The following DNAJC13 variants were observed in gnomAD, a reference collection of about 807,000 sequenced individuals.
The protein encoded by DNAJC13 is dnaJ homolog subfamily C member 13.
DNAJC13 carries 75 observed loss-of-function variants against 290.5 expected under a neutral mutation model. The ratio of observed to expected loss-of-function variants is 0.26; its 90% CI spans 0.21 to 0.31. The LOEUF is 0.31. Among genes scored for constraint, DNAJC13 ranks in the 10% least tolerant of loss-of-function variants. The pLI, the probability that DNAJC13 is intolerant of heterozygous loss-of-function variation, is 1.00. For missense variants in DNAJC13, 2,260 were observed against 2,674.5 expected (o/e 0.85, Z 3.42); for synonymous variants, 862 against 892.0 (o/e 0.97, Z 0.60).
chr3:132,444,106 T>C (rs1327237962), intron 2 of DNAJC13, among the ~76,000 whole-genome samples: 3 of 152,096 alleles, frequency 2.0e-5, no homozygotes. Flanking sequence ...GAGCCAGCAT[T>C]ACCGCCTGAG....
intron 55 of DNAJC13, among the ~76,000 whole-genome samples, chr3:132,531,454 T>C (rs1369245287): frequency 6.6e-6 from 1 of 152,230 alleles, no homozygotes; most frequent in Non-Finnish European, 1.5e-5. Context: ...CATCATTCCA[T>C]ATCTGTCAGA....
intron 25 of DNAJC13, among the ~76,000 whole-genome samples, chr3:132,479,648 GTCTT>G (rs1219125902): frequency 2.6e-5 from 4 of 152,086 alleles, no homozygotes; most frequent in African/African-American, 7.2e-5. Context: ...AAAATGGAAA[GTCTT>G]TATCAGTGTA....
At chr3:132,503,799 A>G (rs1057171462) in intron 41 of DNAJC13, among the ~76,000 whole-genome samples, 2 of 152,224 alleles carry the variant, frequency 1.3e-5, no homozygotes, top group African/African-American at 4.8e-5. Context: ...GCACATATAC[A>G]TGTATATGTA....
At chr3:132,448,691 T>G (rs974736439) in intron 5 of DNAJC13, among the ~76,000 whole-genome samples, 2 of 152,172 alleles carry the variant, frequency 1.3e-5, no homozygotes, top group Admixed American at 1.3e-4. Flanking sequence ...GGCAGCACCA[T>G]TCTCCTGTCT....
At chr3:132,478,660 G>A (rs1934552436) in intron 24 of DNAJC13, among the ~76,000 whole-genome samples, 1 of 152,206 alleles carries the variant, frequency 6.6e-6, no homozygotes, top group African/African-American at 2.4e-5. Flanking sequence ...GGTTCACCTG[G>A]AAGTGGGAGG....
chr3:132,483,138 A>G (rs1017602205), intron 27 of DNAJC13, among the ~76,000 whole-genome samples: 1 of 151,354 alleles, frequency 6.6e-6, no homozygotes, highest in East Asian at 1.9e-4. Flanking sequence ...TGTCATTTTT[A>G]CTCTTTCCAG....
intron 42 of DNAJC13, 91 bp downstream of exon 42, chr3:132,505,506 C>A (rs1043440003): frequency 1.8e-5 from 15 of 827,558 alleles, no homozygotes; most frequent in Middle Eastern, 2.3e-4. Context: ...AAATCCACTA[C>A]TTCTCACTTT....
At chr3:132,442,104 AATC>A (rs1428884975) in intron 2 of DNAJC13, among the ~76,000 whole-genome samples, 1 of 151,740 alleles carries the variant, frequency 6.6e-6, no homozygotes, top group Non-Finnish European at 1.5e-5. Flanking sequence ...TGTAAAAAAA[AATC>A]ATGCTATAAA....
chr3:132,489,702 A>G (rs933596631), intron 31 of DNAJC13, among the ~76,000 whole-genome samples: 1 of 152,100 alleles, frequency 6.6e-6, no homozygotes. Flanking sequence ...ATGTTGCACC[A>G]CCTTGACAAT....
chr3:132,447,946 A>C lies in DNAJC13; in HGVS notation c.336+7A>C. 2.7e-6 allele frequency: 4 copies of C among 1,501,984 alleles called. No homozygotes were observed. Among genetic ancestry groups the C allele is most frequent in the Non-Finnish European group, 3.7e-6 (4 of 1,083,202 alleles). 93.0% of individuals were successfully genotyped at this position (1,501,984 alleles called of 1,614,324 possible). On this transcript the variant is annotated splice_region_variant and intron_variant, in intron 5 of 55. Transcript: ENST00000260818. ...GGGAAAAATCACAGGAAGGGTAAAT[A>C]TTTAACATTTATTATGTATTTTTAT...
At chr3:132,435,855 G>A (rs1322614263) in intron 2 of DNAJC13, among the ~76,000 whole-genome samples, 1 of 152,136 alleles carries the variant, frequency 6.6e-6, no homozygotes. Context: ...CAAACTTACT[G>A]CAATGCTTTT....
chr3:132,442,006 GTTTT>G (rs201467302), intron 2 of DNAJC13, among the ~76,000 whole-genome samples: 1 of 145,118 alleles, frequency 6.9e-6, no homozygotes, highest in African/African-American at 2.5e-5. Context: ...TAACACATTG[GTTTT>G]TTTTTTTATT....
intron 55 of DNAJC13, chr3:132,537,031 CAA>C: frequency 2.3e-6 from 1 of 436,804 alleles, no homozygotes; most frequent in South Asian, 1.6e-5. Flanking sequence ...AGGTCAAAAA[CAA>C]GATGAATCTG....
Position 132,466,059 on chromosome 3 carries a change from A to G in DNAJC13, c.1957A>G (p.Lys653Glu). Residue 653 changes from lysine to glutamate, a missense_variant, in exon 18 of 56, where the codon AAA becomes GAA. Physicochemically the swap from Lys to Glu is moderately conservative, Grantham distance 56. Coordinates refer to ENST00000260818, the MANE Select transcript of DNAJC13 (RefSeq NM_015268.4). The stretch of plus-strand genomic sequence containing the variant: ...TAATGCAACTGCAACAAACTTGTTG[A>G]AACGCATTTTGGTAAGTCAGTTGAG... The part of the protein sequence containing the change: ...ADNATATNLL[K>E]RILPPGLLAY... 1 of 1,613,912 alleles carries G rather than the reference A, an allele frequency of 6.2e-7. No individual in the cohort carries two copies. The highest frequency in any genetic ancestry group is 8.5e-7 in the Non-Finnish European group (1 of 1,179,790).
At chr3:132,514,857 G>T in intron 46 of DNAJC13, 187 bp downstream of exon 46, 2 of 488,068 alleles carry the variant, frequency 4.1e-6, no homozygotes, top group South Asian at 2.5e-5. Context: ...TATGTCAAAA[G>T]TTGAAAGTTG....
chr3:132,441,678 A>AT (rs1933074401), intron 2 of DNAJC13, among the ~76,000 whole-genome samples: 2 of 152,292 alleles, frequency 1.3e-5, no homozygotes, highest in South Asian at 4.1e-4. Flanking sequence ...AATTACATGG[A>AT]TTTTCTGTGC....
intron 46 of DNAJC13, chr3:132,514,912 T>C: frequency 1.9e-5 from 5 of 259,404 alleles, no homozygotes; most frequent in Middle Eastern, 1.0e-3. Context: ...CCTGGGATTT[T>C]CAGTTTGTTG....
At chr3:132,489,263 G>A (rs1934983250) in intron 31 of DNAJC13, among the ~76,000 whole-genome samples, 1 of 152,120 alleles carries the variant, frequency 6.6e-6, no homozygotes, top group Non-Finnish European at 1.5e-5. Flanking sequence ...ATGAACTATA[G>A]CCTGACACCT....
intron 54 of DNAJC13, among the ~76,000 whole-genome samples, chr3:132,529,114 T>G (rs997737412): frequency 4.6e-5 from 7 of 152,190 alleles, no homozygotes; most frequent in Non-Finnish European, 8.8e-5. Context: ...TCTCCCTTTC[T>G]TCCTTCCCCC....
Sources: gnomAD v4.1 joint callset for allele counts (sites outside exome capture counted in the v4.1 genomes callset) on GRCh38, gnomAD v4.1.1 for gene constraint, MANE v1.5 for transcripts, NCBI Gene and HGNC (gene_info 2026-07-23, HGNC 2026-07-21) for gene names.